Variants in ZDHHC20 observed in about 807,000 individuals in gnomAD.
The protein encoded by ZDHHC20 is zDHHC palmitoyltransferase 20.
A neutral mutation model predicts 57.8 loss-of-function variants in ZDHHC20; 43 were observed. The ratio of observed to expected loss-of-function variants is 0.74; its 90% CI spans 0.58 to 0.96. ZDHHC20 has a LOEUF of 0.96. Among genes scored for constraint, ZDHHC20 ranks in the 40% least tolerant of loss-of-function variants. The probability of loss-of-function intolerance (pLI) is 0.00; values close to 1 mark genes in which losing one functional copy is unlikely to be tolerated. For missense variants in ZDHHC20, 391 were observed against 441.1 expected (o/e 0.89, Z 1.02); for synonymous variants, 157 against 153.0 (o/e 1.03, Z -0.19).
chr13:21,448,308 G>A (rs1160603269), intron 1 of ZDHHC20, among the ~76,000 whole-genome samples: 7 of 97,182 alleles, frequency 7.2e-5, no homozygotes, highest in South Asian at 3.3e-4. Flanking sequence ...CGCCCCGTCC[G>A]GGAGGGAGGT....
chr13:21,448,433 G>A (rs796559876), intron 1 of ZDHHC20, among the ~76,000 whole-genome samples: 17,312 of 72,020 alleles, frequency 0.24, 2,456 homozygotes, highest in East Asian at 0.74. Context: ...TCAGCCCCCC[G>A]CCCGGCCAGC....
At chr13:21,401,497 T>A (rs1877617505) in intron 6 of ZDHHC20, among the ~76,000 whole-genome samples, 156 bp downstream of exon 6, 1 of 152,222 alleles carries the variant, frequency 6.6e-6, no homozygotes, top group Non-Finnish European at 1.5e-5. Context: ...AGAAACCATT[T>A]AATATAACTG....
At chr13:21,411,211 A>G (rs745434885) in intron 4 of ZDHHC20, among the ~76,000 whole-genome samples, 4 of 152,238 alleles carry the variant, frequency 2.6e-5, no homozygotes, top group Admixed American at 2.0e-4. Context: ...ACCAGTCCCA[A>G]TGAGATGAAG....
At chr13:21,376,741 C>G in intron 12 of ZDHHC20, 86 bp from the exon 13 acceptor site, 1 of 770,382 alleles carries the variant, frequency 1.3e-6, no homozygotes, top group Admixed American at 3.7e-5. Context: ...GGCTAAGGTA[C>G]AAAGCTACTA....
chr13:21,382,062 G>A, intron 10 of ZDHHC20: 1 of 421,866 alleles, frequency 2.4e-6, no homozygotes, highest in South Asian at 1.7e-5. Flanking sequence ...AACATTTGTT[G>A]GTTCCCTATT....
intron 7 of ZDHHC20, among the ~76,000 whole-genome samples, chr13:21,393,752 C>T (rs1177469642): frequency 6.8e-6 from 1 of 146,826 alleles, no homozygotes; most frequent in Non-Finnish European, 1.5e-5. Flanking sequence ...CACTAAGGCA[C>T]CAGAGCTAGG....
chr13:21,448,854 T>C (rs1205404352), intron 1 of ZDHHC20, among the ~76,000 whole-genome samples: 2 of 88,750 alleles, frequency 2.3e-5, no homozygotes, highest in African/African-American at 7.2e-5. Flanking sequence ...TGGGAGACTT[T>C]TCATTTTGTT....
At chr13:21,404,901 A>G (rs1163414479) in intron 4 of ZDHHC20, among the ~76,000 whole-genome samples, 1 of 152,236 alleles carries the variant, frequency 6.6e-6, no homozygotes, top group African/African-American at 2.4e-5. Context: ...ACAGGGAAAC[A>G]GAGTATACTT....
chr13:21,416,740 A>G (rs1232488465), intron 3 of ZDHHC20, among the ~76,000 whole-genome samples: 1 of 152,248 alleles, frequency 6.6e-6, no homozygotes, highest in African/African-American at 2.4e-5. Context: ...AGAAGAAAAG[A>G]AAATCTTGGC....
intron 7 of ZDHHC20, among the ~76,000 whole-genome samples, chr13:21,399,848 A>G (rs1199151185): frequency 1.3e-5 from 2 of 152,116 alleles, no homozygotes. Context: ...GAGCTTCCTT[A>G]TTCTTTCTTA....
At chr13:21,381,769 A>C in intron 10 of ZDHHC20, 1 of 580,794 alleles carries the variant, frequency 1.7e-6, no homozygotes, top group Non-Finnish European at 3.1e-6. Context: ...AACACTGCCA[A>C]TGAAAACAAT....
rs1276006940 is a variant in ZDHHC20 at position 21,378,749 on chromosome 13, A to G, written c.1061-11T>C. ...CATGGTTATTTGTCCCTGTAAGCAT[A>G]TAATTATATATGACATGACAAAAAA... On this transcript the variant is annotated splice_polypyrimidine_tract_variant and intron_variant, in intron 11 of 12. Transcript: ENST00000400590. The G allele has an allele frequency of 5.3e-6, 7 of 1,323,610 alleles. No individual in the cohort carries two copies. Among genetic ancestry groups the G allele is most frequent in the Non-Finnish European group, 7.0e-6 (7 of 994,804 alleles). 82.0% of individuals were successfully genotyped at this position (1,323,610 alleles called of 1,614,324 possible).
At position 21,383,018 on chromosome 13, in the gene ZDHHC20, TG is replaced by T. The variant is rs1404670878; in HGVS notation, c.855-10del. ...TGCAACCATCACCCAAGCTGCATAA[TG>T]AAAAAGAGTAATAATTTAAATAATG... On this transcript the variant is annotated splice_polypyrimidine_tract_variant and intron_variant, in intron 9 of 12. Coordinates refer to ENST00000400590, the MANE Select transcript of ZDHHC20 (RefSeq NM_001330059.2). The T allele has an allele frequency of 9.7e-6, 15 of 1,550,964 alleles. No individual in the cohort carries two copies. The highest frequency in any genetic ancestry group is 1.2e-5 in the Non-Finnish European group (14 of 1,145,682).
At chr13:21,458,844 C>G (rs891541979) in intron 1 of ZDHHC20, among the ~76,000 whole-genome samples, 11 of 152,214 alleles carry the variant, frequency 7.2e-5, no homozygotes, top group African/African-American at 2.7e-4. Context: ...CGCCGCAAGG[C>G]TTCAGGAGCC....
rs560588795 is a variant in ZDHHC20 at position 21,442,277 on chromosome 13, T to C, written c.119-16599A>G. Among the ~76,000 whole-genome samples, 5 of 152,364 alleles carry C rather than the reference T, an allele frequency of 3.3e-5. No individual in the cohort carries two copies. The East Asian group carries it at 9.6e-4, about 29-fold the overall frequency. On this transcript the variant is annotated intron_variant, in intron 1 of 12. Coordinates refer to ENST00000400590, the MANE Select transcript of ZDHHC20 (RefSeq NM_001330059.2). ...TTCCCTTTATCGTGATTTCAGGTTC[T>C]TGGCTTTTTCCATTTCTATCCTCTA...
chr13:21,413,807 A>G, intron 3 of ZDHHC20, 35 bp from the exon 4 acceptor site: 1 of 1,568,646 alleles, frequency 6.4e-7, no homozygotes, highest in East Asian at 2.3e-5. Flanking sequence ...AATTTTTTTA[A>G]TCCCATGATG....
intron 2 of ZDHHC20, 34 bp downstream of exon 2, chr13:21,425,618 C>A: frequency 8.5e-7 from 1 of 1,183,282 alleles, no homozygotes; most frequent in South Asian, 1.6e-5. Flanking sequence ...TATCATTAAG[C>A]ATTTAACTTA....
chr13:21,382,079 C>T (rs1390505981), intron 10 of ZDHHC20: 1 of 401,164 alleles, frequency 2.5e-6, no homozygotes, highest in Middle Eastern at 3.7e-4. Context: ...TATTATGGGC[C>T]AGACACGATG....
At chr13:21,408,599 T>G (rs2137834368) in intron 4 of ZDHHC20, among the ~76,000 whole-genome samples, 1 of 152,322 alleles carries the variant, frequency 6.6e-6, no homozygotes, top group South Asian at 2.1e-4. Flanking sequence ...TGAATACCCT[T>G]TATTTCTTTC....
Sources: gnomAD v4.1 joint callset for allele counts (sites outside exome capture counted in the v4.1 genomes callset) on GRCh38, gnomAD v4.1.1 for gene constraint, MANE v1.5 for transcripts, NCBI Gene and HGNC (gene_info 2026-07-23, HGNC 2026-07-21) for gene names.